The following SCML4 variants were observed in gnomAD, a reference collection of about 807,000 sequenced individuals.
SCML4 encodes Scm polycomb group protein like 4.
A neutral mutation model predicts 41.1 loss-of-function variants in SCML4; 34 were observed. The observed-to-expected ratio is 0.83, with a 90% CI of 0.63 to 1.10. SCML4 has a LOEUF of 1.10. SCML4 is among the 50% of genes least tolerant of loss of function. The pLI, the probability that SCML4 is intolerant of heterozygous loss-of-function variation, is 0.00. For missense variants in SCML4, 522 were observed against 534.1 expected, an observed-to-expected ratio of 0.98 and a Z score of 0.22; for synonymous variants, 214 against 220.9, an observed-to-expected ratio of 0.97 and a Z score of 0.28.
intron 3 of SCML4, among the ~76,000 whole-genome samples, chr6:107,747,510 T>C (rs564126866): frequency 6.6e-6 from 1 of 152,050 alleles, no homozygotes; most frequent in Non-Finnish European, 1.5e-5. Flanking sequence ...ACCATGTTTA[T>C]TTATTTATAG....
rs73762056 is a variant in SCML4 at position 107,739,149 on chromosome 6, G to A, written c.682+5800C>T. Among the ~76,000 whole-genome samples, 999 of 152,166 alleles carry A rather than the reference G, an allele frequency of 6.6e-3. 12 individuals are homozygous for A. Among genetic ancestry groups the A allele is most frequent in the African/African-American group, 0.023 (970 of 41,522 alleles). ...TCTCTAATGTGTCTTCAAAGCACCTGGGGATCTGTTGTTTGAAAGTTTGGC... is the reference window on the plus strand; with the variant it reads ...TCTCTAATGTGTCTTCAAAGCACCTAGGGATCTGTTGTTTGAAAGTTTGGC... On this transcript the variant is annotated intron_variant, in intron 5 of 7. Coordinates refer to ENST00000369020, the MANE Select transcript of SCML4 (RefSeq NM_198081.5).
At chr6:107,813,372 A>T (rs1181262161) in intron 1 of SCML4, among the ~76,000 whole-genome samples, 448 of 11,220 alleles carry the variant, frequency 0.04, 21 homozygotes, top group African/African-American at 0.056. Context: ...CAAAAAAATT[A>T]TATATATATA....
At chr6:107,806,983 G>A (rs571587628) in intron 1 of SCML4, among the ~76,000 whole-genome samples, 11 of 152,138 alleles carry the variant, frequency 7.2e-5, no homozygotes, top group Admixed American at 5.9e-4. Context: ...ATAGCTGGCA[G>A]CACCAGGGTA....
chr6:107,741,791 A>G (rs1777618623), intron 5 of SCML4, among the ~76,000 whole-genome samples: 1 of 152,284 alleles, frequency 6.6e-6, no homozygotes. Flanking sequence ...ACCTAGCAGT[A>G]AAGAACCTAT....
At chr6:107,775,111 G>A (rs1285864173) in intron 1 of SCML4, among the ~76,000 whole-genome samples, 2 of 152,082 alleles carry the variant, frequency 1.3e-5, no homozygotes, top group African/African-American at 4.8e-5. Flanking sequence ...GAATAAACAG[G>A]CCAGTTCACT....
intron 1 of SCML4, among the ~76,000 whole-genome samples, chr6:107,789,392 A>C (rs1311366346): frequency 6.6e-6 from 1 of 152,120 alleles, no homozygotes; most frequent in African/African-American, 2.4e-5. Context: ...GTCCCAGCCC[A>C]TCCTGCCTCC....
chr6:107,728,270 A>G (rs1240666480), intron 5 of SCML4, among the ~76,000 whole-genome samples: 2 of 152,202 alleles, frequency 1.3e-5, no homozygotes, highest in Non-Finnish European at 2.9e-5. Flanking sequence ...CTTATCGCAA[A>G]GTGTGGGAAT....
At position 107,726,004 on chromosome 6, in the gene SCML4, G is replaced by A. The variant is rs185232155; in HGVS notation, c.683-5011C>T. ...AGGCATGAGAATTGCTTGAACCTGGGAGGCAGAGGTTGCAGTGAGCCGAGA... is the reference window on the plus strand; with the variant it reads ...AGGCATGAGAATTGCTTGAACCTGGAAGGCAGAGGTTGCAGTGAGCCGAGA... On this transcript the variant is annotated intron_variant, in intron 5 of 7. Transcript: ENST00000369020. Among the ~76,000 whole-genome samples the A allele has an allele frequency of 6.6e-5, 10 of 151,280 alleles. No homozygotes were observed. In the East Asian group the frequency reaches 2.0e-3, roughly 30 times the overall value.
chr6:107,814,805 G>A (rs546864790), intron 1 of SCML4, among the ~76,000 whole-genome samples: 3 of 152,254 alleles, frequency 2.0e-5, no homozygotes, highest in South Asian at 2.1e-4. Context: ...CACCGCCTTC[G>A]GCCTCCCAAA....
intron 1 of SCML4, among the ~76,000 whole-genome samples, chr6:107,790,964 G>A (rs983074863): frequency 2.0e-5 from 3 of 152,028 alleles, no homozygotes; most frequent in African/African-American, 7.3e-5. Context: ...CAGCTACTCA[G>A]GAGGCTGAGG....
chr6:107,763,084 T>C (rs1779741409), intron 2 of SCML4, among the ~76,000 whole-genome samples: 1 of 151,984 alleles, frequency 6.6e-6, no homozygotes, highest in African/African-American at 2.4e-5. Context: ...GGTAGTGCTA[T>C]GTTGCCCAGG....
At chr6:107,839,462 G>T in the SCML4 span, among the ~76,000 whole-genome samples, 1 of 152,000 alleles carries the variant, frequency 6.6e-6, no homozygotes, top group Non-Finnish European at 1.5e-5. Flanking sequence ...GAAAAGAAAA[G>T]AAATTTACAG....
rs149184434 is a variant in SCML4, at chr6:107,728,386, G to A, written c.683-7393C>T. On this transcript the variant is annotated intron_variant, in intron 5 of 7. Transcript: ENST00000369020. ...AGCACTTTGGGAGGCGAAGGTGGGC[G>A]GATCACCTGAGGTTGGGAGTTCAAG... is the stretch of plus-strand genomic sequence containing the variant. Among the ~76,000 whole-genome samples the A allele has an allele frequency of 8.5e-3, 1,292 of 152,194 alleles. 15 individuals carry two copies. Among genetic ancestry groups the A allele is most frequent in the Middle Eastern group, 0.02 (6 of 294 alleles).
chr6:107,806,221 C>G (rs1345088543), intron 1 of SCML4, among the ~76,000 whole-genome samples: 2 of 150,980 alleles, frequency 1.3e-5, no homozygotes, highest in Non-Finnish European at 2.9e-5. Flanking sequence ...AAGGGCTCAG[C>G]CTGACAATCC....
rs1435035411 is a variant in SCML4 at position 107,778,211 on chromosome 6, AAAAAAAAAAAAATATATATATATATAT to A, written c.-59-5852_-59-5826del. ...GACTCTATCTCAAAAAAAAAAAAAAAAAAAAAAAAAAATATATATATATATATATATATATATATATATATATATATA... is the reference window on the plus strand; with the variant it reads ...GACTCTATCTCAAAAAAAAAAAAAAAATATATATATATATATATATATATA... On this transcript the variant is annotated intron_variant, in intron 1 of 7. Transcript: ENST00000369020. Among the ~76,000 whole-genome samples, 6 of 20,032 alleles carry A rather than the reference AAAAAAAAAAAAATATATATATATATAT, an allele frequency of 3.0e-4. 1 individual carries two copies. Among genetic ancestry groups the A allele is most frequent in the African/African-American group, 7.6e-4 (6 of 7,914 alleles). 13.1% of individuals were successfully genotyped at this position (20,032 alleles called of 152,430 possible). A position where few individuals can be genotyped will look rare whatever the true frequency, so the allele number is the denominator to read the frequency against.
At chr6:107,765,137 A>G (rs1779929141) in intron 2 of SCML4, among the ~76,000 whole-genome samples, 1 of 152,214 alleles carries the variant, frequency 6.6e-6, no homozygotes, top group Non-Finnish European at 1.5e-5. Context: ...GGCCTGCAAC[A>G]CCAACAATCT....
chr6:107,711,555 C>T (rs1306075363), intron 6 of SCML4, among the ~76,000 whole-genome samples: 2 of 152,164 alleles, frequency 1.3e-5, no homozygotes, highest in African/African-American at 2.4e-5. Flanking sequence ...ATTGAAATGA[C>T]CTAAGGATGC....
At chr6:107,711,396 T>G (rs1774199590) in intron 6 of SCML4, among the ~76,000 whole-genome samples, 1 of 152,212 alleles carries the variant, frequency 6.6e-6, no homozygotes, top group Non-Finnish European at 1.5e-5. Context: ...GCCTAGTGAT[T>G]TGTGTTGCAA....
At chr6:107,804,651 C>A (rs1382822361) in intron 1 of SCML4, among the ~76,000 whole-genome samples, 1 of 152,084 alleles carries the variant, frequency 6.6e-6, no homozygotes, top group Non-Finnish European at 1.5e-5. Context: ...AGAATATTAT[C>A]CAGTTGTCCC....
Sources: allele counts gnomAD v4.1 joint callset (sites outside exome capture counted in the v4.1 genomes callset), GRCh38; gene constraint gnomAD v4.1.1; transcripts MANE v1.5; gene names NCBI Gene and HGNC (gene_info 2026-07-23, HGNC 2026-07-21).